Variants in GPC6 observed in about 807,000 individuals in gnomAD.
GPC6 encodes glypican-6.
GPC6 carries 14 observed loss-of-function variants against 55.2 expected under a neutral mutation model. The observed-to-expected ratio is 0.25, with a 90% confidence interval of 0.17 to 0.40. The LOEUF (loss-of-function observed/expected upper bound fraction) is 0.40, where lower values mean the gene tolerates loss of function less well. Ranked by LOEUF, GPC6 falls within the 10% of genes least tolerant of loss-of-function variation. The pLI is 1.00. For synonymous variants in GPC6, 278 were observed against 259.6 expected (o/e 1.07, Z -0.68); for missense variants, 641 against 708.5 (o/e 0.90, Z 1.08).
At chr13:94,377,294 C>T (rs1263970449) in intron 6 of GPC6, among the ~76,000 whole-genome samples, 2,190 of 124,906 alleles carry the variant, frequency 0.018, 40 homozygotes, top group African/African-American at 0.054. Context: ...GCAACCTACT[C>T]ATCTGACAAA....
At chr13:94,008,775 C>A (rs1882124011) in intron 3 of GPC6, among the ~76,000 whole-genome samples, 1 of 152,112 alleles carries the variant, frequency 6.6e-6, no homozygotes, top group South Asian at 2.1e-4. Flanking sequence ...ATCTAAATTT[C>A]TCTTCAATTT....
At chr13:93,370,452 G>A (rs915722711) in intron 1 of GPC6, among the ~76,000 whole-genome samples, 4 of 152,084 alleles carry the variant, frequency 2.6e-5, no homozygotes, top group Non-Finnish European at 5.9e-5. Flanking sequence ...TATTCTTTAC[G>A]CAAGGGAAAA....
chr13:93,324,341 TAGAA>T lies in GPC6; in HGVS notation c.160+96730_160+96733del, dbSNP rs1364210837. Among the ~76,000 whole-genome samples the T allele has an allele frequency of 9.2e-5, 14 of 151,804 alleles. No homozygotes were observed. The Middle Eastern group carries it at 0.017, about 186-fold the overall frequency. On this transcript the variant is annotated intron_variant, in intron 1 of 8. Coordinates refer to ENST00000377047, the MANE Select transcript of GPC6 (RefSeq NM_005708.5). The stretch of plus-strand genomic sequence containing the variant: ...GGATGGTAAGTGGGTACAAAAAAGA[TAGAA>T]AGAATGAATAAGACCTAGTATTTGA...
In GPC6 at chr13:93,543,366, A is replaced by G. The variant is rs369237203; in HGVS notation, c.161-1897A>G. On this transcript the variant is annotated intron_variant, in intron 1 of 8. Transcript: ENST00000377047. Reference sequence around the variant, plus strand: ...TATTGAACCAGCCTTGCATCCCAGGAATGAAGCCCACTTGATCATGGTGGA... The same window carrying G: ...TATTGAACCAGCCTTGCATCCCAGGGATGAAGCCCACTTGATCATGGTGGA... 7.9e-5 allele frequency among the ~76,000 whole-genome samples: 12 copies of G among 152,086 alleles called. 1 individual carries two copies. Among genetic ancestry groups the G allele is most frequent in the East Asian group, 7.7e-4 (4 of 5,174 alleles).
In GPC6 at chr13:93,833,118, A is replaced by T. The variant is rs1378269270; in HGVS notation, c.711+2573A>T. 3.0e-3 allele frequency among the ~76,000 whole-genome samples: 206 copies of T among 69,580 alleles called. 2 individuals are homozygous for T. Among genetic ancestry groups the T allele is most frequent in the African/African-American group, 0.014 (172 of 12,280 alleles). 45.6% of individuals were successfully genotyped at this position (69,580 alleles called of 152,430 possible). ...AGATAGGTAGATGATAGAGAGAGAG[A>T]GAGAGAGAGAGAGAGAGAGAGAGAG... On this transcript the variant is annotated intron_variant, in intron 3 of 8. Transcript: ENST00000377047.
chr13:93,613,531 ACACACACAC>A, intron 2 of GPC6, among the ~76,000 whole-genome samples: 1 of 42,438 alleles, frequency 2.4e-5, no homozygotes, highest in East Asian at 1.5e-3. Context: ...CACACACAAA[ACACACACAC>A]ACACACACAC....
intron 1 of GPC6, among the ~76,000 whole-genome samples, chr13:93,409,709 T>C (rs1283085610): frequency 1.3e-5 from 2 of 152,238 alleles, no homozygotes; most frequent in African/African-American, 4.8e-5. Flanking sequence ...TTTTTCTGTG[T>C]GTCAGGCTTT....
chr13:94,283,721 G>A (rs796230098), intron 4 of GPC6, among the ~76,000 whole-genome samples: 10 of 152,320 alleles, frequency 6.6e-5, no homozygotes, highest in African/African-American at 2.4e-4. Flanking sequence ...GAAACAAAAC[G>A]AGCAACACAG....
chr13:93,770,883 T>A (rs982608683), intron 2 of GPC6, among the ~76,000 whole-genome samples: 4 of 152,002 alleles, frequency 2.6e-5, no homozygotes, highest in East Asian at 3.9e-4. Flanking sequence ...CTTACTTAAG[T>A]AGTTTTTTTT....
chr13:94,207,579 A>G (rs1458710983), intron 4 of GPC6, among the ~76,000 whole-genome samples: 1 of 152,214 alleles, frequency 6.6e-6, no homozygotes, highest in Admixed American at 6.5e-5. Context: ...TATCATCTCC[A>G]AAGAATAGAA....
intron 2 of GPC6, among the ~76,000 whole-genome samples, chr13:93,577,869 T>C (rs369107582): frequency 6.6e-6 from 1 of 152,164 alleles, no homozygotes; most frequent in African/African-American, 2.4e-5. Context: ...CTTTATTATG[T>C]TGAGGTATGT....
intron 3 of GPC6, among the ~76,000 whole-genome samples, chr13:93,843,746 C>CT (rs1400949883): frequency 4.0e-5 from 6 of 151,878 alleles, no homozygotes; most frequent in Non-Finnish European, 8.8e-5. Context: ...TTAGACTGAG[C>CT]TTTTTTTTGC....
chr13:93,545,108 G>A (rs955787469), intron 1 of GPC6, among the ~76,000 whole-genome samples, 155 bp from the exon 2 acceptor site: 4 of 152,194 alleles, frequency 2.6e-5, no homozygotes, highest in African/African-American at 9.6e-5. Context: ...TAGATACACT[G>A]ATGTGCTGTG....
chr13:94,401,348 C>T (rs181626637), intron 8 of GPC6, among the ~76,000 whole-genome samples: 28 of 152,164 alleles, frequency 1.8e-4, no homozygotes, highest in East Asian at 9.6e-4. Flanking sequence ...CACCTCCAAG[C>T]GGTGAAAAGT....
At chr13:93,851,680 G>T (rs1888406799) in intron 3 of GPC6, among the ~76,000 whole-genome samples, 1 of 151,776 alleles carries the variant, frequency 6.6e-6, no homozygotes, top group African/African-American at 2.4e-5. Context: ...ATTGTATAAT[G>T]ATGTTGAAAA....
At chr13:93,877,973 T>C (rs974288656) in intron 3 of GPC6, among the ~76,000 whole-genome samples, 1 of 152,016 alleles carries the variant, frequency 6.6e-6, no homozygotes, top group African/African-American at 2.4e-5. Flanking sequence ...ACATTGTAAA[T>C]TTGGTTTGAA....
rs146357796 is a variant in GPC6 at position 93,240,342 on chromosome 13, CTTG to C, written c.160+12730_160+12732del. On this transcript the variant is annotated intron_variant, in intron 1 of 8. Coordinates refer to ENST00000377047, the MANE Select transcript of GPC6 (RefSeq NM_005708.5). ...TGTTTATTTAAGGTTGTTATCTCTT[CTTG>C]TTGAGTTGACCAACTATCATTATAT... 7.0e-3 allele frequency among the ~76,000 whole-genome samples: 1,068 copies of C among 152,218 alleles called. 8 individuals carry two copies. The highest frequency in any genetic ancestry group is 0.024 in the African/African-American group (1,001 of 41,550).
At chr13:93,445,247 A>G (rs1246271663) in intron 1 of GPC6, among the ~76,000 whole-genome samples, 1 of 152,184 alleles carries the variant, frequency 6.6e-6, no homozygotes, top group African/African-American at 2.4e-5. Flanking sequence ...TGTTTAGGTC[A>G]TAGTGAATGT....
At chr13:93,427,966 T>C (rs1368967038) in intron 1 of GPC6, among the ~76,000 whole-genome samples, 2 of 152,174 alleles carry the variant, frequency 1.3e-5, no homozygotes, top group Non-Finnish European at 2.9e-5. Flanking sequence ...CAATGAATTT[T>C]CTCTTGTGAA....
Sources: allele counts gnomAD v4.1 joint callset (sites outside exome capture counted in the v4.1 genomes callset), GRCh38; gene constraint gnomAD v4.1.1; transcripts MANE v1.5; gene names NCBI Gene and HGNC (gene_info 2026-07-23, HGNC 2026-07-21).